Variants in PPP1R1C observed in about 807,000 individuals in gnomAD.
PPP1R1C encodes the protein protein phosphatase 1 regulatory inhibitor subunit 1C.
Under a neutral mutation model 17.4 loss-of-function variants are expected in PPP1R1C, and 15 were observed. The ratio of observed to expected loss-of-function variants is 0.86; its 90% CI spans 0.58 to 1.33. The LOEUF is 1.33. Ranked by LOEUF, PPP1R1C falls within the 40% of genes most tolerant of loss-of-function variation. The pLI, the probability that PPP1R1C is intolerant of heterozygous loss-of-function variation, is 0.00. For synonymous variants in PPP1R1C, 35 were observed against 43.1 expected (o/e 0.81, Z 0.73); for missense variants, 143 against 130.0 (o/e 1.10, Z -0.48).
intron 2 of PPP1R1C, among the ~76,000 whole-genome samples, chr2:182,043,398 A>G (rs1012713662): frequency 2.6e-5 from 4 of 152,234 alleles, no homozygotes. Flanking sequence ...TAAGCAAAAT[A>G]ACAAGCAAAA....
chr2:182,063,208 T>C (rs1231128233), intron 3 of PPP1R1C, among the ~76,000 whole-genome samples: 3 of 152,008 alleles, frequency 2.0e-5, no homozygotes, highest in Non-Finnish European at 2.9e-5. Context: ...ATATGAAGAA[T>C]GTTACCTCAA....
chr2:181,955,488 C>G (rs1168036260), intron 1 of PPP1R1C, among the ~76,000 whole-genome samples: 1 of 152,126 alleles, frequency 6.6e-6, no homozygotes, highest in Non-Finnish European at 1.5e-5. Context: ...ACTAAAATGT[C>G]TGATTGTTTT....
intron 1 of PPP1R1C, among the ~76,000 whole-genome samples, chr2:181,963,423 G>A (rs1419297219): frequency 2.0e-5 from 3 of 152,136 alleles, no homozygotes; most frequent in Non-Finnish European, 4.4e-5. Context: ...GGTGGACCAC[G>A]AGGTCAGGAG....
intron 4 of PPP1R1C, among the ~76,000 whole-genome samples, chr2:182,097,451 A>G (rs1688973562): frequency 6.6e-6 from 1 of 152,138 alleles, no homozygotes; most frequent in Non-Finnish European, 1.5e-5. Context: ...GAATCCTTCC[A>G]CTGCTACCCC....
At chr2:182,078,160 A>G (rs1049036532) in intron 4 of PPP1R1C, among the ~76,000 whole-genome samples, 2 of 152,170 alleles carry the variant, frequency 1.3e-5, no homozygotes, top group African/African-American at 2.4e-5. Flanking sequence ...AGCCTGGGTG[A>G]AAAGAACCTG....
intron 4 of PPP1R1C, among the ~76,000 whole-genome samples, chr2:182,098,852 A>G (rs1252164678): frequency 1.3e-5 from 2 of 152,242 alleles, no homozygotes; most frequent in African/African-American, 4.8e-5. Flanking sequence ...TCTAAGGGAC[A>G]GTACAAAGTC....
intron 1 of PPP1R1C, among the ~76,000 whole-genome samples, chr2:181,973,305 G>A (rs1685043615): frequency 1.3e-5 from 2 of 152,104 alleles, no homozygotes; most frequent in Non-Finnish European, 2.9e-5. Flanking sequence ...TCCGTTATTT[G>A]TAGATATGAA....
chr2:182,118,412 G>C (rs1689647069), downstream of PPP1R1C, among the ~76,000 whole-genome samples: 2 of 151,858 alleles, frequency 1.3e-5, no homozygotes, highest in Admixed American at 6.6e-5. Flanking sequence ...CAAAATTTAG[G>C]GGGAATGGAA....
chr2:182,022,920 G>A (rs989702484), intron 2 of PPP1R1C, among the ~76,000 whole-genome samples: 7 of 152,142 alleles, frequency 4.6e-5, no homozygotes, highest in Admixed American at 1.3e-4. Context: ...ATATGCTTAG[G>A]TTATGCAAAA....
intron 2 of PPP1R1C, among the ~76,000 whole-genome samples, chr2:181,999,197 AAG>A (rs1291392065): frequency 6.6e-6 from 1 of 152,208 alleles, no homozygotes; most frequent in Non-Finnish European, 1.5e-5. Flanking sequence ...TAGGACACAA[AAG>A]AGAAAAAATG....
At chr2:181,956,935 C>T (rs1684679678) in intron 1 of PPP1R1C, among the ~76,000 whole-genome samples, 1 of 152,162 alleles carries the variant, frequency 6.6e-6, no homozygotes, top group South Asian at 2.1e-4. Context: ...TTGAGTCACT[C>T]TGTAATTAAT....
At chr2:182,072,047 T>C (rs1262559275) in intron 4 of PPP1R1C, among the ~76,000 whole-genome samples, 1 of 152,238 alleles carries the variant, frequency 6.6e-6, no homozygotes, top group Non-Finnish European at 1.5e-5. Context: ...TGAATAAGCA[T>C]GTGGTTGCTA....
At chr2:182,074,778 T>C (rs897970703) in intron 4 of PPP1R1C, among the ~76,000 whole-genome samples, 1 of 152,264 alleles carries the variant, frequency 6.6e-6, no homozygotes, top group African/African-American at 2.4e-5. Flanking sequence ...AACACCTCAG[T>C]TGTGGCAGAA....
chr2:182,033,101 T>C (rs1686894784), intron 2 of PPP1R1C, among the ~76,000 whole-genome samples: 1 of 152,220 alleles, frequency 6.6e-6, no homozygotes. Context: ...TTAAAGTCCT[T>C]GATCCCTCTC....
At chr2:181,975,336 A>G (rs1372657705) in intron 2 of PPP1R1C, 1 of 151,852 alleles carries the variant, frequency 6.6e-6, no homozygotes, top group Non-Finnish European at 1.5e-5. Context: ...TTGCTAAAAT[A>G]TAGTTCATGG....
intron 4 of PPP1R1C, among the ~76,000 whole-genome samples, chr2:182,101,144 A>G (rs1260708616): frequency 1.3e-5 from 2 of 152,212 alleles, no homozygotes; most frequent in Admixed American, 6.5e-5. Flanking sequence ...TTAGAAAATT[A>G]TACCCTTTAT....
chr2:182,009,351 T>C (rs1237569888), intron 2 of PPP1R1C, among the ~76,000 whole-genome samples: 1 of 152,174 alleles, frequency 6.6e-6, no homozygotes, highest in Non-Finnish European at 1.5e-5. Context: ...TATCTCATAG[T>C]AGTTTTGATT....
At chr2:182,062,526 C>A (rs146876639) in intron 3 of PPP1R1C, among the ~76,000 whole-genome samples, 63 of 152,200 alleles carry the variant, frequency 4.1e-4, no homozygotes, top group African/African-American at 1.4e-3. Flanking sequence ...AATGTAGAGT[C>A]ACCCTGTCTA....
At chr2:181,968,560 C>T (rs889820883) in intron 1 of PPP1R1C, among the ~76,000 whole-genome samples, 1 of 152,038 alleles carries the variant, frequency 6.6e-6, no homozygotes, top group Non-Finnish European at 1.5e-5. Flanking sequence ...TTTCCCATCC[C>T]TTTATTTTCA....
Sources: allele counts gnomAD v4.1 joint callset (sites outside exome capture counted in the v4.1 genomes callset), GRCh38; gene constraint gnomAD v4.1.1; transcripts MANE v1.5; gene names NCBI Gene and HGNC (gene_info 2026-07-23, HGNC 2026-07-21).